DIP2C: variants seen among roughly 807,000 people sequenced by gnomAD.
The protein encoded by DIP2C is DIP2 acetate--CoA ligase C (putative), also known as disco-interacting protein 2 homolog C.
DIP2C carries 33 observed loss-of-function variants against 192.4 expected under a neutral mutation model. The ratio of observed to expected loss-of-function variants is 0.17; its 90% CI spans 0.13 to 0.23. DIP2C has a LOEUF of 0.23. Ranked by LOEUF, DIP2C falls within the 10% of genes least tolerant of loss-of-function variation. The pLI is 1.00. For missense variants in DIP2C, 1,537 were observed against 2,110.1 expected, an observed-to-expected ratio of 0.73 and a Z score of 5.32; for synonymous variants, 979 against 864.1, an observed-to-expected ratio of 1.13 and a Z score of -2.33.
chr10:482,265 A>G (rs954968227), intron 2 of DIP2C, among the ~76,000 whole-genome samples: 14 of 152,070 alleles, frequency 9.2e-5, no homozygotes, highest in Non-Finnish European at 1.8e-4. Context: ...TTGTGATTTG[A>G]CTCAACAGTT....
intron 2 of DIP2C, among the ~76,000 whole-genome samples, chr10:474,624 C>T (rs548690188): frequency 7.9e-5 from 12 of 152,308 alleles, no homozygotes; most frequent in Admixed American, 5.2e-4. Flanking sequence ...TCTCCACACT[C>T]CCGTGCTAAA....
chr10:467,128 C>T (rs1256557597), intron 3 of DIP2C, among the ~76,000 whole-genome samples: 4 of 152,018 alleles, frequency 2.6e-5, no homozygotes, highest in Admixed American at 2.6e-4. Context: ...GACTTAGAAC[C>T]AACCCAAATG....
intron 1 of DIP2C, among the ~76,000 whole-genome samples, chr10:591,564 A>G (rs1219610154): frequency 6.6e-6 from 1 of 152,222 alleles, no homozygotes. Context: ...AAAAACCAAA[A>G]ATGCCAATTT....
At position 426,184 on chromosome 10, in the gene DIP2C, A is replaced by T. The variant is rs180829758; in HGVS notation, c.395-3151T>A. On this transcript the variant is annotated intron_variant, in intron 4 of 36. Coordinates refer to ENST00000280886, the MANE Select transcript of DIP2C (RefSeq NM_014974.3). ...GTTTGATGAGGTCACAGGACACAAG[A>T]TATACATATACTAGCAATAAACAAC... Among the ~76,000 whole-genome samples, 13 of 152,342 alleles carry T rather than the reference A, an allele frequency of 8.5e-5. No individual in the cohort carries two copies. The East Asian group carries it at 2.5e-3, about 29-fold the overall frequency.
At chr10:344,091 A>AG (rs1454894159) in intron 28 of DIP2C, among the ~76,000 whole-genome samples, 12 of 152,204 alleles carry the variant, frequency 7.9e-5, no homozygotes, top group Non-Finnish European at 1.3e-4. Context: ...TGAGACTATA[A>AG]GCGGGCCATG....
At chr10:509,663 A>G (rs1845878228) in intron 1 of DIP2C, among the ~76,000 whole-genome samples, 1 of 152,128 alleles carries the variant, frequency 6.6e-6, no homozygotes, top group South Asian at 2.1e-4. Context: ...GACGAGAGAG[A>G]GGCATCTAAG....
At chr10:584,636 A>G (rs528994760) in intron 1 of DIP2C, among the ~76,000 whole-genome samples, 34 of 72,220 alleles carry the variant, frequency 4.7e-4, no homozygotes, top group African/African-American at 2.1e-3. Context: ...ACCCCCACTC[A>G]CGCGCATCAC....
chr10:357,203 G>T (rs993771312), intron 23 of DIP2C, among the ~76,000 whole-genome samples: 1 of 152,236 alleles, frequency 6.6e-6, no homozygotes, highest in African/African-American at 2.4e-5. Context: ...AGGCCGAACG[G>T]TTCTAATGGG....
At chr10:434,237 T>G (rs1421016830) in intron 4 of DIP2C, among the ~76,000 whole-genome samples, 1 of 152,238 alleles carries the variant, frequency 6.6e-6, no homozygotes, top group Non-Finnish European at 1.5e-5. Flanking sequence ...TTAAATCTAT[T>G]AAGAAAAATA....
chr10:335,491 A>T lies in DIP2C; in HGVS notation c.3584+5708T>A, dbSNP rs542976488. Among the ~76,000 whole-genome samples, 9 of 152,346 alleles carry T rather than the reference A, an allele frequency of 5.9e-5. No homozygotes were observed. In the South Asian group the frequency reaches 1.9e-3, roughly 32 times the overall value. On this transcript the variant is annotated intron_variant, in intron 29 of 36. Transcript: ENST00000280886. ...AGTTTGCACAGGCACACTGCAAGAA[A>T]GTGGTCGGCTCTCAGCTTCCCGCTG...
chr10:415,507 TAC>T (rs1965569016), intron 7 of DIP2C, among the ~76,000 whole-genome samples: 1 of 152,126 alleles, frequency 6.6e-6, no homozygotes, highest in African/African-American at 2.4e-5. Flanking sequence ...TCTATACTCT[TAC>T]AGAGTTCTTA....
chr10:305,955 A>T (rs1383473329), intron 32 of DIP2C, among the ~76,000 whole-genome samples: 1 of 135,574 alleles, frequency 7.4e-6, no homozygotes, highest in Non-Finnish European at 1.6e-5. Context: ...TTAAAACCGC[A>T]TCTTCAAATG....
At chr10:480,874 G>A (rs536258485) in intron 2 of DIP2C, among the ~76,000 whole-genome samples, 27 of 152,304 alleles carry the variant, frequency 1.8e-4, no homozygotes, top group Admixed American at 9.2e-4. Context: ...ACAGCAACGC[G>A]GTCTAGAAAG....
chr10:580,628 C>T (rs760390999), intron 1 of DIP2C, among the ~76,000 whole-genome samples: 13 of 152,076 alleles, frequency 8.5e-5, no homozygotes, highest in East Asian at 3.8e-4. Flanking sequence ...ATACATAGTA[C>T]GCATACACCA....
chr10:450,898 C>T (rs1263941315), intron 3 of DIP2C, among the ~76,000 whole-genome samples: 1 of 152,198 alleles, frequency 6.6e-6, no homozygotes, highest in Non-Finnish European at 1.5e-5. Context: ...GGTTCTGTCA[C>T]TTACACACAC....
chr10:644,060 G>A (rs1207432854), intron 1 of DIP2C, among the ~76,000 whole-genome samples: 1 of 152,234 alleles, frequency 6.6e-6, no homozygotes, highest in Non-Finnish European at 1.5e-5. Flanking sequence ...AGCTGCGGCT[G>A]TTTTAAAAAG....
Position 666,805 on chromosome 10 carries a change from G to C in DIP2C, c.85+22689C>G, listed in dbSNP as rs545631825. 6.6e-6 allele frequency: 1 copy of C among 152,378 alleles called. No individual in the cohort carries two copies. Among genetic ancestry groups the C allele is most frequent in the Non-Finnish European group, 1.5e-5 (1 of 68,110 alleles). The allele number at this position is 152,378 out of a possible 1,614,324, so 9.4% of individuals were successfully genotyped here. A position where few individuals can be genotyped will look rare whatever the true frequency, so the allele number is the denominator to read the frequency against. On this transcript the variant is annotated intron_variant, in intron 1 of 36. Coordinates refer to ENST00000280886, the MANE Select transcript of DIP2C (RefSeq NM_014974.3). The surrounding 1 kb of genome is among the most constrained non-coding windows in gnomAD (Gnocchi z 4.1). ...GCCTGCCTACTTCCCCAGGCCTACG[G>C]GGACAGATGTAGCTCCCCAGGAAAT... is the stretch of plus-strand genomic sequence containing the variant.
Position 385,415 on chromosome 10 carries a change from T to C in DIP2C, c.1663-776A>G, listed in dbSNP as rs530148786. Among the ~76,000 whole-genome samples, 158 of 152,358 alleles carry C rather than the reference T, an allele frequency of 1.0e-3. 1 individual carries two copies. In the Middle Eastern group the frequency reaches 0.024, roughly 23 times the overall value. ...TTAAGTAATTTAAGTCCAAATCTTT[T>C]TAAGACGAAACCTTTGGTGAAACAG... On this transcript the variant is annotated intron_variant, in intron 14 of 36. Coordinates refer to ENST00000280886, the MANE Select transcript of DIP2C (RefSeq NM_014974.3).
At chr10:617,655 A>ACCCCCCC (rs3049602) in intron 1 of DIP2C, among the ~76,000 whole-genome samples, 106 of 132,420 alleles carry the variant, frequency 8.0e-4, no homozygotes, top group African/African-American at 1.7e-3. Flanking sequence ...TGTGGATACC[A>ACCCCCCC]CCCCCCCACC....
Sources: allele counts gnomAD v4.1 joint callset (sites outside exome capture counted in the v4.1 genomes callset), GRCh38; gene constraint gnomAD v4.1.1; non-coding constraint Gnocchi (gnomAD v3.1); transcripts MANE v1.5; gene names NCBI Gene and HGNC (gene_info 2026-07-23, HGNC 2026-07-21).